RGS3: variants seen among roughly 807,000 people sequenced by gnomAD.
RGS3 encodes the protein regulator of G protein signaling 3, also known as regulator of G-protein signalling 3.
Under a neutral mutation model 132.6 loss-of-function variants are expected in RGS3, and 80 were observed. That is an observed-to-expected ratio of 0.60 (90% CI 0.50 to 0.73). The LOEUF (loss-of-function observed/expected upper bound fraction) is 0.73. Ranked by LOEUF, RGS3 falls within the 30% of genes least tolerant of loss-of-function variation. The pLI, the probability that RGS3 is intolerant of heterozygous loss-of-function variation, is 0.00. For synonymous variants in RGS3, 598 were observed against 620.6 expected, an observed-to-expected ratio of 0.96 and a Z score of 0.54; for missense variants, 1,382 against 1,530.8, an observed-to-expected ratio of 0.90 and a Z score of 1.62.
chr9:113,535,029 CAAATATTATTGT>C (rs1832622230), intron 18 of RGS3, among the ~76,000 whole-genome samples: 1 of 152,164 alleles, frequency 6.6e-6, no homozygotes, highest in African/African-American at 2.4e-5. Flanking sequence ...GTATAAATAA[CAAATATTATTGT>C]CTTTGCCCCT....
At chr9:113,587,855 G>A (rs1757463962) in intron 20 of RGS3, among the ~76,000 whole-genome samples, 1 of 152,154 alleles carries the variant, frequency 6.6e-6, no homozygotes, top group African/African-American at 2.4e-5. Context: ...CATCCCCTGG[G>A]TGTGGCGCCC....
chr9:113,534,770 C>A (rs1832612575), intron 18 of RGS3, among the ~76,000 whole-genome samples: 1 of 151,998 alleles, frequency 6.6e-6, no homozygotes, highest in African/African-American at 2.4e-5. Flanking sequence ...CACCACCACA[C>A]CCAATTAATT....
At chr9:113,511,549 C>T (rs559807029) in intron 14 of RGS3, among the ~76,000 whole-genome samples, 1 of 152,260 alleles carries the variant, frequency 6.6e-6, no homozygotes, top group African/African-American at 2.4e-5. Context: ...TGACCAGTCA[C>T]CCTACCATTC....
chr9:113,585,601 G>T (rs1241398923), intron 20 of RGS3, among the ~76,000 whole-genome samples: 1 of 152,246 alleles, frequency 6.6e-6, no homozygotes, highest in East Asian at 1.9e-4. Flanking sequence ...ATACCTCTCA[G>T]CTTGGCCTTG....
intron 14 of RGS3, among the ~76,000 whole-genome samples, chr9:113,512,242 G>A (rs968920535): frequency 2.6e-5 from 4 of 152,194 alleles, no homozygotes; most frequent in African/African-American, 9.6e-5. Flanking sequence ...TGAGACTGAG[G>A]ATGGTGCTTT....
intron 19 of RGS3, among the ~76,000 whole-genome samples, chr9:113,564,091 A>C (rs1833897976): frequency 6.6e-6 from 1 of 152,214 alleles, no homozygotes; most frequent in Non-Finnish European, 1.5e-5. Context: ...ACATCATGAC[A>C]AACTGCAGCA....
rs1273136059 is a variant in RGS3, at chr9:113,591,154, A to ACTT, written c.3016-177_3016-175dup. ...CCGGAGAGTCTGCCAGGCCGATTCC[A>ACTT]CTTCATGGCCAGGCTGTTCCCAGCA... is the stretch of plus-strand genomic sequence containing the variant. On this transcript the variant is annotated intron_variant, in intron 20 of 24. Coordinates refer to ENST00000350696, the Ensembl canonical transcript of RGS3. The surrounding 1 kb of genome is among the most constrained non-coding windows in gnomAD (Gnocchi z 4.4). 6.6e-6 allele frequency among the ~76,000 whole-genome samples: 1 copy of ACTT among 152,132 alleles called. No individual in the cohort carries two copies. The highest frequency in any genetic ancestry group is 1.5e-5 in the Non-Finnish European group (1 of 68,028).
At chr9:113,525,288 G>A (rs1178115710) in intron 17 of RGS3, among the ~76,000 whole-genome samples, 4 of 152,138 alleles carry the variant, frequency 2.6e-5, no homozygotes, top group African/African-American at 9.7e-5. Context: ...TCCAGGCACC[G>A]ATAGAGCCCT....
intron 17 of RGS3, among the ~76,000 whole-genome samples, chr9:113,523,349 C>T (rs541575756): frequency 1.7e-4 from 26 of 152,298 alleles, no homozygotes; most frequent in African/African-American, 5.5e-4. Context: ...TCCCTCCATA[C>T]TGGGATGACT....
chr9:113,531,970 A>G (rs1440585235), intron 18 of RGS3, among the ~76,000 whole-genome samples: 1 of 152,226 alleles, frequency 6.6e-6, no homozygotes, highest in Non-Finnish European at 1.5e-5. Context: ...GTAAGGCAAG[A>G]GCGGGATTTT....
intron 14 of RGS3, among the ~76,000 whole-genome samples, chr9:113,510,003 A>C (rs1831328240): frequency 1.3e-5 from 2 of 152,058 alleles, no homozygotes; most frequent in Non-Finnish European, 2.9e-5. Flanking sequence ...TAAGATTTTT[A>C]GTGGTGATTT....
At chr9:113,583,667 C>G in exon 20 of RGS3, 1 of 1,614,054 alleles carries the variant, frequency 6.2e-7, no homozygotes, top group Non-Finnish European at 8.5e-7. Context: ...TCTGAAGGAT[C>G]CCCTCCAGGC....
At chr9:113,584,500 T>C in intron 20 of RGS3, 73 bp downstream of exon 18, 4 of 1,428,912 alleles carry the variant, frequency 2.8e-6, no homozygotes, top group Non-Finnish European at 3.7e-6. Flanking sequence ...CTGCAGGGAA[T>C]GAGAAGTCAC....
intron 19 of RGS3, among the ~76,000 whole-genome samples, chr9:113,552,304 C>G (rs1312641749): frequency 6.6e-6 from 1 of 152,072 alleles, no homozygotes; most frequent in African/African-American, 2.4e-5. Flanking sequence ...CCCCCCTCTT[C>G]TCATACATTT....
intron 3 of RGS3, among the ~76,000 whole-genome samples, chr9:113,470,838 A>C (rs1186775929): frequency 6.6e-6 from 1 of 152,112 alleles, no homozygotes. Flanking sequence ...GATGGTGTGC[A>C]CCTGTGGTCC....
At chr9:113,458,825 C>T (rs572499331), upstream of RGS3, among the ~76,000 whole-genome samples, 20 of 152,268 alleles carry the variant, frequency 1.3e-4, no homozygotes, top group African/African-American at 4.8e-4. Flanking sequence ...TATCTTGGCC[C>T]ACTGCAACCT....
intron 16 of RGS3, 52 bp downstream of exon 14, chr9:113,517,676 G>A: frequency 1.5e-6 from 2 of 1,360,750 alleles, no homozygotes; most frequent in South Asian, 1.2e-5. Context: ...GGCTTCATTG[G>A]CATTCTCCAG....
chr9:113,596,980 C>T (rs1246457762), exon 25 of RGS3: 2 of 1,570,206 alleles, frequency 1.3e-6, no homozygotes, highest in Admixed American at 1.8e-5. Context: ...GCTCAGCGTT[C>T]ACACCAGGCG....
At chr9:113,567,245 C>G (rs1302546843) in intron 19 of RGS3, among the ~76,000 whole-genome samples, 1 of 152,008 alleles carries the variant, frequency 6.6e-6, no homozygotes, top group South Asian at 2.1e-4. Flanking sequence ...CTCCCCTCCC[C>G]CTCCATGTCT....
Sources: allele counts gnomAD v4.1 joint callset (sites outside exome capture counted in the v4.1 genomes callset), GRCh38; gene constraint gnomAD v4.1.1; non-coding constraint Gnocchi (gnomAD v3.1); transcripts MANE v1.5; gene names NCBI Gene and HGNC (gene_info 2026-07-23, HGNC 2026-07-21).